SAMD12: variants seen among roughly 807,000 people sequenced by gnomAD.
The protein encoded by SAMD12 is sterile alpha motif domain containing 12, also known as sterile alpha motif domain-containing protein 12.
Under a neutral mutation model 15.0 loss-of-function variants are expected in SAMD12, and 9 were observed. That is an observed-to-expected ratio of 0.60 (90% CI 0.36 to 1.05). The LOEUF is 1.05. SAMD12 is among the 50% of genes least tolerant of loss of function. SAMD12 has a pLI of 0.01. For synonymous variants in SAMD12, 86 were observed against 90.1 expected (o/e 0.96, Z 0.25); for missense variants, 230 against 234.2 (o/e 0.98, Z 0.12).
intron 2 of SAMD12, among the ~76,000 whole-genome samples, chr8:118,469,594 G>A (rs113667768): frequency 0.012 from 1,152 of 93,688 alleles, 40 homozygotes; most frequent in African/African-American, 0.054. Context: ...GCAGAGTCTC[G>A]CTCTGTCACC....
intron 2 of SAMD12, among the ~76,000 whole-genome samples, chr8:118,536,219 A>C (rs911075296): frequency 3.3e-5 from 5 of 150,832 alleles, no homozygotes; most frequent in African/African-American, 1.2e-4. Context: ...CCCTGCCCAC[A>C]CCCCCTCTAT....
At chr8:118,514,798 T>G (rs1209670523) in intron 2 of SAMD12, among the ~76,000 whole-genome samples, 2 of 152,234 alleles carry the variant, frequency 1.3e-5, no homozygotes, top group Admixed American at 1.3e-4. Context: ...AGTCTTTTTG[T>G]GCACTGAGGA....
chr8:118,309,058 A>G (rs1246827920), intron 4 of SAMD12, among the ~76,000 whole-genome samples: 1 of 152,082 alleles, frequency 6.6e-6, no homozygotes, highest in Non-Finnish European at 1.5e-5. Flanking sequence ...TAAGTTCTTT[A>G]GTGGAAATTT....
the SAMD12 span, among the ~76,000 whole-genome samples, chr8:118,181,136 T>C: frequency 6.6e-6 from 1 of 152,184 alleles, no homozygotes; most frequent in African/African-American, 2.4e-5. Context: ...ATTCTCCTGC[T>C]TCAGCCTCTG....
At chr8:118,219,077 C>A (rs1812026560) in intron 4 of SAMD12, among the ~76,000 whole-genome samples, 1 of 152,190 alleles carries the variant, frequency 6.6e-6, no homozygotes, top group African/African-American at 2.4e-5. Flanking sequence ...GTCTCCGCTG[C>A]CCCCAACATC....
intron 4 of SAMD12, among the ~76,000 whole-genome samples, chr8:118,314,337 G>T (rs1338928659): frequency 6.6e-6 from 1 of 152,076 alleles, no homozygotes; most frequent in East Asian, 1.9e-4. Context: ...TTTCAGATAA[G>T]TGTACAGGGA....
At chr8:118,217,533 C>T (rs974968608) in intron 4 of SAMD12, among the ~76,000 whole-genome samples, 3 of 151,854 alleles carry the variant, frequency 2.0e-5, no homozygotes, top group African/African-American at 7.3e-5. Flanking sequence ...AAATAATTAA[C>T]AGTATAAGGT....
intron 4 of SAMD12, among the ~76,000 whole-genome samples, chr8:118,371,507 T>C (rs1031306625): frequency 2.0e-5 from 3 of 151,982 alleles, no homozygotes; most frequent in Admixed American, 1.3e-4. Context: ...ATGTGAGTGA[T>C]GAGGAAAACG....
In SAMD12 at chr8:118,300,690, C is replaced by A. The variant is rs147652859; in HGVS notation, c.433+78870G>T. Among the ~76,000 whole-genome samples the A allele has an allele frequency of 2.0e-5, 3 of 152,264 alleles. No individual in the cohort carries two copies. The East Asian group carries it at 5.8e-4, about 29-fold the overall frequency. On this transcript the variant is annotated intron_variant, in intron 4 of 4. Coordinates refer to the SAMD12 transcript ENST00000409003. Reference sequence around the variant, plus strand: ...CTCAGCAATCAGTGTTCCAACAAGCCCTTCAGGCGATTCCAATGTACATTA... The same window carrying A: ...CTCAGCAATCAGTGTTCCAACAAGCACTTCAGGCGATTCCAATGTACATTA...
chr8:118,132,428 T>C, the SAMD12 span, among the ~76,000 whole-genome samples: 2 of 152,170 alleles, frequency 1.3e-5, no homozygotes, highest in Non-Finnish European at 2.9e-5. Context: ...TTCCTTAGTG[T>C]GAGTCTTGGT....
intron 2 of SAMD12, among the ~76,000 whole-genome samples, chr8:118,536,291 C>T (rs555573557): frequency 6.6e-6 from 1 of 152,112 alleles, no homozygotes; most frequent in Non-Finnish European, 1.5e-5. Flanking sequence ...CTTTAAAATG[C>T]TTTCCTTGCC....
chr8:118,383,833 C>A (rs1358555002), intron 3 of SAMD12, among the ~76,000 whole-genome samples: 1 of 152,084 alleles, frequency 6.6e-6, no homozygotes, highest in Non-Finnish European at 1.5e-5. Context: ...CATTATGTAC[C>A]TGCCACTATT....
At chr8:118,468,090 C>G (rs143068214) in intron 2 of SAMD12, among the ~76,000 whole-genome samples, 92 of 152,248 alleles carry the variant, frequency 6.0e-4, no homozygotes, top group African/African-American at 2.2e-3. Context: ...AGTCTGTCAA[C>G]AGAACAAATG....
rs569617198 is a variant in SAMD12, at chr8:118,221,440, G to A, written c.434-23708C>T. On this transcript the variant is annotated intron_variant, in intron 4 of 4. Coordinates refer to the SAMD12 transcript ENST00000409003. ...TGCTAGAGGGACTGCATTTCTGGACGTGAGTTTTGTTTAAGCCAAGATGTG... is the reference window on the plus strand; with the variant it reads ...TGCTAGAGGGACTGCATTTCTGGACATGAGTTTTGTTTAAGCCAAGATGTG... Among the ~76,000 whole-genome samples, 82 of 152,278 alleles carry A rather than the reference G, an allele frequency of 5.4e-4. 1 individual carries two copies. The highest frequency in any genetic ancestry group is 1.7e-3 in the South Asian group (8 of 4,816).
At chr8:118,140,499 T>C in the SAMD12 span, among the ~76,000 whole-genome samples, 2 of 152,118 alleles carry the variant, frequency 1.3e-5, no homozygotes, top group East Asian at 3.9e-4. Flanking sequence ...CTCAAACTCC[T>C]GGACACCAGC....
chr8:118,136,850 C>T, the SAMD12 span, among the ~76,000 whole-genome samples: 165 of 152,266 alleles, frequency 1.1e-3, no homozygotes, highest in African/African-American at 3.9e-3. Flanking sequence ...AGGAAGAAAA[C>T]CCAGGGCTTC....
At chr8:118,561,985 A>G (rs573718812) in intron 2 of SAMD12, among the ~76,000 whole-genome samples, 3 of 152,346 alleles carry the variant, frequency 2.0e-5, no homozygotes, top group Non-Finnish European at 4.4e-5. Context: ...GTAATTGAGT[A>G]TAAAAGAAAA....
chr8:118,566,709 A>G (rs1431523924), intron 2 of SAMD12, among the ~76,000 whole-genome samples: 1 of 152,210 alleles, frequency 6.6e-6, no homozygotes, highest in Non-Finnish European at 1.5e-5. Flanking sequence ...AGGCAGATCC[A>G]AACCAGAGAG....
chr8:118,595,404 T>C (rs1827699544), intron 1 of SAMD12, among the ~76,000 whole-genome samples: 1 of 152,224 alleles, frequency 6.6e-6, no homozygotes, highest in African/African-American at 2.4e-5. Context: ...TAGCAATTCA[T>C]TTTATGGTGG....
Sources: allele counts gnomAD v4.1 joint callset (sites outside exome capture counted in the v4.1 genomes callset), GRCh38; gene constraint gnomAD v4.1.1; transcripts MANE v1.5; gene names NCBI Gene and HGNC (gene_info 2026-07-23, HGNC 2026-07-21).